ZBED6: variants seen among roughly 807,000 people sequenced by gnomAD.
ZBED6 encodes the protein zinc finger BED domain-containing protein 6.
In ZBED6, 40 loss-of-function variants were observed where a neutral mutation model predicts 58.4. The ratio of observed to expected loss-of-function variants is 0.68; its 90% CI spans 0.53 to 0.89. The LOEUF (loss-of-function observed/expected upper bound fraction) is 0.89. Ranked by LOEUF, ZBED6 falls within the 40% of genes least tolerant of loss-of-function variation. The pLI is 0.00. For missense variants in ZBED6, 1,057 were observed against 1,003.9 expected, an observed-to-expected ratio of 1.05 and a Z score of -0.71; for synonymous variants, 439 against 350.6, an observed-to-expected ratio of 1.25 and a Z score of -2.82.
chr1:203,808,011 G>GCCTCT (rs1672969801), intron 1 of ZBED6, among the ~76,000 whole-genome samples: 1 of 152,042 alleles, frequency 6.6e-6, no homozygotes, highest in African/African-American at 2.4e-5. Flanking sequence ...CAAAGTGCTG[G>GCCTCT]CATTACGGAT....
chr1:203,838,177 A>G, intron 10 of ZBED6, 113 bp downstream of exon 10: 3 of 965,986 alleles, frequency 3.1e-6, no homozygotes, highest in Non-Finnish European at 4.6e-6. Context: ...GTTATCTTGT[A>G]TTTGTTATAT....
intron 3 of ZBED6, among the ~76,000 whole-genome samples, chr1:203,820,466 TTATG>T (rs1205462498): frequency 7.3e-6 from 1 of 136,396 alleles, no homozygotes; most frequent in African/African-American, 2.9e-5. Flanking sequence ...ATATCACAAA[TTATG>T]TGTGTGTGTG....
At chr1:203,831,608 G>A (rs1042145333) in intron 7 of ZBED6, 53 bp from the exon 8 acceptor site, 2 of 1,511,718 alleles carry the variant, frequency 1.3e-6, no homozygotes, top group South Asian at 1.2e-5. Context: ...TTTGACTTGG[G>A]ATAGCATTAT....
chr1:203,847,710 A>G, intron 12 of ZBED6, 23 bp downstream of exon 12: 1 of 1,603,226 alleles, frequency 6.2e-7, no homozygotes, highest in Non-Finnish European at 8.5e-7. Flanking sequence ...CTTGGTCTCT[A>G]GTACCACGTC....
chr1:203,848,581 C>T (rs144246447), intron 13 of ZBED6, among the ~76,000 whole-genome samples, 174 bp downstream of exon 13: 32 of 152,240 alleles, frequency 2.1e-4, no homozygotes, highest in African/African-American at 6.0e-4. Flanking sequence ...TATCAGTATT[C>T]GCTGCCCTTT....
exon 1 of ZBED6, chr1:203,796,575 G>A (rs2102326988): frequency 2.5e-6 from 1 of 398,060 alleles, no homozygotes; most frequent in Non-Finnish European, 4.4e-6. Flanking sequence ...AGAGGCTGTG[G>A]AACTAGAGAT....
chr1:203,840,192 G>A, intron 10 of ZBED6, 114 bp from the exon 11 acceptor site: 2 of 965,654 alleles, frequency 2.1e-6, no homozygotes, highest in Non-Finnish European at 3.2e-6. Flanking sequence ...GCCTGCCTTG[G>A]CCTCCCAAAG....
At chr1:203,836,957 A>T (rs1684540313) in intron 9 of ZBED6, among the ~76,000 whole-genome samples, 1 of 152,100 alleles carries the variant, frequency 6.6e-6, no homozygotes, top group African/African-American at 2.4e-5. Flanking sequence ...ATAATTCTTA[A>T]CCTGTCTTCC....
Position 203,797,259 on chromosome 1 carries a change from G to A in ZBED6, c.-264G>A. The A allele has an allele frequency of 3.8e-6, 1 of 261,018 alleles. No homozygotes were observed. Among genetic ancestry groups the A allele is most frequent in the Non-Finnish European group, 7.2e-6 (1 of 138,180 alleles). The allele number at this position is 261,018 out of a possible 1,614,324, so 16.2% of individuals were successfully genotyped here. On this transcript the variant is annotated 5_prime_UTR_variant, in exon 1 of 17. It removes an upstream start codon present in the reference 5' UTR. Transcript: ENST00000550078. ...GACTCAGTTCTTACTTCTGTAACAT[G>A]AGGACACTGGACTATTTGAATTCAG...
exon 1 of ZBED6, chr1:203,799,820 G>T: frequency 6.9e-7 from 1 of 1,443,062 alleles, no homozygotes; most frequent in Non-Finnish European, 9.4e-7. Flanking sequence ...CCTGTATCTT[G>T]GCTACTTTGT....
At chr1:203,826,245 T>C (rs1680470799) in intron 3 of ZBED6, among the ~76,000 whole-genome samples, 1 of 152,152 alleles carries the variant, frequency 6.6e-6, no homozygotes, top group South Asian at 2.1e-4. Context: ...ATTTTTACTT[T>C]ATTTTTACTG....
exon 1 of ZBED6, chr1:203,799,108 G>C (rs1199969860): frequency 6.5e-7 from 1 of 1,534,246 alleles, no homozygotes; most frequent in Non-Finnish European, 8.7e-7. Flanking sequence ...TGTGTTACAG[G>C]TTTGGCTAAA....
At chr1:203,831,192 G>A (rs1459654527) in intron 7 of ZBED6, among the ~76,000 whole-genome samples, 3 of 151,692 alleles carry the variant, frequency 2.0e-5, no homozygotes, top group Non-Finnish European at 2.9e-5. Context: ...AATCCACTGC[G>A]CCCAGCCCCC....
chr1:203,824,968 T>C (rs565125842), intron 3 of ZBED6, among the ~76,000 whole-genome samples: 1 of 150,374 alleles, frequency 6.7e-6, no homozygotes, highest in East Asian at 2.0e-4. Flanking sequence ...TCCCAGCTAC[T>C]CGGGAGGCTG....
intron 3 of ZBED6, among the ~76,000 whole-genome samples, chr1:203,825,903 A>C (rs1184012322): frequency 6.6e-6 from 1 of 152,174 alleles, no homozygotes; most frequent in Non-Finnish European, 1.5e-5. Flanking sequence ...TCTTCGTTGC[A>C]CATATATTAC....
intron 3 of ZBED6, among the ~76,000 whole-genome samples, chr1:203,820,720 T>C (rs952737811): frequency 5.3e-5 from 8 of 152,116 alleles, no homozygotes; most frequent in East Asian, 3.9e-4. Flanking sequence ...CCTCAAGTTA[T>C]TCACCTGCCT....
intron 11 of ZBED6, 81 bp downstream of exon 11, chr1:203,840,455 G>GC: frequency 7.4e-7 from 1 of 1,357,914 alleles, no homozygotes; most frequent in Admixed American, 2.3e-5. Context: ...TTTACCTGTT[G>GC]CTTGCTAGGG....
At chr1:203,798,545 T>G in exon 1 of ZBED6, 1 of 1,536,128 alleles carries the variant, frequency 6.5e-7, no homozygotes, top group Non-Finnish European at 8.7e-7. Flanking sequence ...AGAGAAGTGA[T>G]CTCTTGAGTG....
exon 5 of ZBED6, chr1:203,829,544 C>T: frequency 6.2e-7 from 1 of 1,613,962 alleles, no homozygotes; most frequent in African/African-American, 1.3e-5. Context: ...CAGTCCAATC[C>T]TTCCCCTCAG....
Sources: gnomAD v4.1 joint callset for allele counts (sites outside exome capture counted in the v4.1 genomes callset) on GRCh38, gnomAD v4.1.1 for gene constraint, MANE v1.5 for transcripts, NCBI Gene and HGNC (gene_info 2026-07-23, HGNC 2026-07-21) for gene names.